The following TLN2 variants were observed in gnomAD, a reference collection of about 807,000 sequenced individuals.
TLN2 encodes talin-2.
In TLN2, 118 loss-of-function variants were observed where a neutral mutation model predicts 294.7. The observed-to-expected ratio is 0.40, with a 90% CI of 0.34 to 0.47. The LOEUF is 0.47. Among genes scored for constraint, TLN2 ranks in the 20% least tolerant of loss-of-function variants. TLN2 has a pLI of 0.84. For missense variants in TLN2, 3,083 were observed against 3,282.2 expected (o/e 0.94, Z 1.48); for synonymous variants, 1,431 against 1,304.5 (o/e 1.10, Z -2.09).
chr15:62,609,986 A>G (rs903503232), intron 2 of TLN2, among the ~76,000 whole-genome samples: 3 of 152,180 alleles, frequency 2.0e-5, no homozygotes, highest in African/African-American at 7.2e-5. Context: ...TCCATCTCCA[A>G]CATTCTTTGA....
intron 1 of TLN2, among the ~76,000 whole-genome samples, chr15:62,493,481 T>C (rs1395827713): frequency 7.2e-5 from 11 of 152,172 alleles, no homozygotes; most frequent in Middle Eastern, 6.8e-3. Context: ...CAATTGAGTA[T>C]AGGATGGGTT....
intron 3 of TLN2, among the ~76,000 whole-genome samples, chr15:62,619,565 C>A (rs1207454938): frequency 2.0e-5 from 3 of 152,170 alleles, no homozygotes; most frequent in Non-Finnish European, 4.4e-5. Context: ...AGAATGTGAC[C>A]TTATTTGGAA....
At chr15:62,505,885 T>TAA (rs1477810403) in intron 1 of TLN2, among the ~76,000 whole-genome samples, 1 of 152,150 alleles carries the variant, frequency 6.6e-6, no homozygotes, top group African/African-American at 2.4e-5. Context: ...AGCCTGAACT[T>TAA]ACATTAGCCA....
At chr15:62,444,659 G>A (rs895955454) in intron 1 of TLN2, among the ~76,000 whole-genome samples, 6 of 152,354 alleles carry the variant, frequency 3.9e-5, no homozygotes, top group African/African-American at 1.2e-4. Flanking sequence ...ATGGTGAGGC[G>A]TGTTGGAGTC....
intron 28 of TLN2, among the ~76,000 whole-genome samples, chr15:62,735,866 T>C (rs919742445): frequency 6.6e-6 from 1 of 152,082 alleles, no homozygotes; most frequent in Non-Finnish European, 1.5e-5. Context: ...TCAACAAATA[T>C]TGGCATATTT....
chr15:62,423,975 G>A (rs138502827), intron 1 of TLN2, among the ~76,000 whole-genome samples: 3 of 152,196 alleles, frequency 2.0e-5, no homozygotes, highest in Non-Finnish European at 2.9e-5. Flanking sequence ...TAATGTTAAC[G>A]TTAATTGCAA....
At chr15:62,434,108 A>T (rs1185056134) in intron 1 of TLN2, among the ~76,000 whole-genome samples, 1 of 152,108 alleles carries the variant, frequency 6.6e-6, no homozygotes, top group Non-Finnish European at 1.5e-5. Flanking sequence ...TTTAAAAAGT[A>T]GAAAGAGGCA....
chr15:62,766,155 T>A (rs2062990880), intron 40 of TLN2, among the ~76,000 whole-genome samples, 166 bp from the exon 41 acceptor site: 1 of 152,218 alleles, frequency 6.6e-6, no homozygotes, highest in Non-Finnish European at 1.5e-5. Flanking sequence ...GGAGGAGTCA[T>A]CACTGAGAAG....
chr15:62,703,602 GACACACACACACACACACACGCGCGCAC>G (rs1283655785), intron 19 of TLN2, among the ~76,000 whole-genome samples: 4 of 127,650 alleles, frequency 3.1e-5, no homozygotes, highest in African/African-American at 5.9e-5. Context: ...TGTTTACTTC[GACACACACACACACACACACGCGCGCAC>G]ACACACACAC....
chr15:62,722,266 C>T, intron 25 of TLN2, 87 bp from the exon 26 acceptor site: 1 of 1,413,276 alleles, frequency 7.1e-7, no homozygotes, highest in Non-Finnish European at 9.5e-7. Flanking sequence ...TCAGTTCTTA[C>T]TGCTGTGGAG....
intron 31 of TLN2, among the ~76,000 whole-genome samples, chr15:62,740,017 C>A (rs1013179097): frequency 2.5e-4 from 38 of 150,602 alleles, no homozygotes; most frequent in Admixed American, 2.4e-3. Context: ...CTTGACTGAT[C>A]TGGTGTCAGC....
chr15:62,783,907 C>G lies in TLN2; in HGVS notation c.5736+17C>G, dbSNP rs748032703. On this transcript the variant is annotated intron_variant, in intron 45 of 58. Coordinates refer to ENST00000636159, the MANE Select transcript of TLN2 (RefSeq NM_015059.3). ...CCAGAGGAGGTCTGCCACCTTAAGA[C>G]CCCTATTTTAAGATGCACACACACA... 2 of 1,613,446 alleles carry G rather than the reference C, an allele frequency of 1.2e-6. No individual in the cohort carries two copies. The highest frequency in any genetic ancestry group is 1.7e-6 in the Non-Finnish European group (2 of 1,179,868).
chr15:62,484,389 A>G (rs2038269868), intron 1 of TLN2, among the ~76,000 whole-genome samples: 1 of 152,116 alleles, frequency 6.6e-6, no homozygotes, highest in Non-Finnish European at 1.5e-5. Flanking sequence ...CATTTTGTGA[A>G]TTATCTTCAG....
chr15:62,543,753 C>CAAAA (rs11386820), intron 1 of TLN2, among the ~76,000 whole-genome samples: 1 of 110,122 alleles, frequency 9.1e-6, no homozygotes, highest in African/African-American at 3.2e-5. Flanking sequence ...GATTCTGTCT[C>CAAAA]AAAAAAAAAA....
chr15:62,483,788 C>T (rs2038237032), intron 1 of TLN2, among the ~76,000 whole-genome samples: 1 of 152,170 alleles, frequency 6.6e-6, no homozygotes. Context: ...GGAAACATTT[C>T]AATGATAAAA....
intron 1 of TLN2, among the ~76,000 whole-genome samples, chr15:62,543,721 C>G (rs2041833383): frequency 6.8e-6 from 1 of 147,090 alleles, no homozygotes. Flanking sequence ...TGCCACTGCA[C>G]TCCAGCCTGG....
At chr15:62,696,667 C>G (rs1021920433) in intron 14 of TLN2, among the ~76,000 whole-genome samples, 2 of 152,202 alleles carry the variant, frequency 1.3e-5, no homozygotes, top group Non-Finnish European at 2.9e-5. Flanking sequence ...GAGATCACGC[C>G]ACTGCACTCC....
chr15:62,738,203 C>T lies in TLN2; in HGVS notation c.3568-11C>T. On this transcript the variant is annotated splice_polypyrimidine_tract_variant and intron_variant, in intron 29 of 58. Coordinates refer to ENST00000636159, the MANE Select transcript of TLN2 (RefSeq NM_015059.3). ...GTACTTAAAGGTGCTTCTCTCTCTC[C>T]ACGAATTCAGGTGGCTAAAGCCGTC... 6 of 1,612,966 alleles carry T rather than the reference C, an allele frequency of 3.7e-6. No individual in the cohort carries two copies. Among genetic ancestry groups the T allele is most frequent in the Non-Finnish European group, 5.1e-6 (6 of 1,179,546 alleles).
intron 2 of TLN2, among the ~76,000 whole-genome samples, chr15:62,604,508 A>G: frequency 6.8e-6 from 1 of 147,220 alleles, no homozygotes. Context: ...CTGGGTGACA[A>G]AGTGAGACCT....
Sources: allele counts gnomAD v4.1 joint callset (sites outside exome capture counted in the v4.1 genomes callset), GRCh38; gene constraint gnomAD v4.1.1; transcripts MANE v1.5; gene names NCBI Gene and HGNC (gene_info 2026-07-23, HGNC 2026-07-21).